BRIP1: variants seen among roughly 807,000 people sequenced by gnomAD.
BRIP1 encodes the protein Fanconi anemia group J protein.
In BRIP1, 88 loss-of-function variants were observed where a neutral mutation model predicts 119.7. The observed-to-expected ratio is 0.74, with a 90% confidence interval of 0.62 to 0.88. The LOEUF (loss-of-function observed/expected upper bound fraction) is 0.88. BRIP1 is among the 40% of genes least tolerant of loss of function. The probability of loss-of-function intolerance (pLI) is 0.00; values close to 1 mark genes in which losing one functional copy is unlikely to be tolerated. For missense variants in BRIP1, 1,259 were observed against 1,455.4 expected (o/e 0.87, Z 2.20); for synonymous variants, 443 against 496.5 (o/e 0.89, Z 1.43).
rs2077544543 is a variant in BRIP1 at position 61,776,994 on chromosome 17, A to G, written c.1936-432T>C. Among the ~76,000 whole-genome samples the G allele has an allele frequency of 6.6e-6, 1 of 152,216 alleles. No individual in the cohort carries two copies. Among genetic ancestry groups the G allele is most frequent in the African/African-American group, 2.4e-5 (1 of 41,456 alleles). ...AAAAATGACAGGAACTACTCTTTCAAAAATTCATTGGTGCTCAAAGATCCT... is the reference window on the plus strand; with the variant it reads ...AAAAATGACAGGAACTACTCTTTCAGAAATTCATTGGTGCTCAAAGATCCT... On this transcript the variant is annotated intron_variant, in intron 13 of 19. Transcript: ENST00000259008. This position sits in a 1 kb window ranked among gnomAD's most constrained non-coding sequence, Gnocchi z 5.0.
chr17:61,688,705 A>C (rs2061398346), intron 18 of BRIP1, among the ~76,000 whole-genome samples: 1 of 151,968 alleles, frequency 6.6e-6, no homozygotes, highest in African/African-American at 2.4e-5. Flanking sequence ...AGAAACAGGA[A>C]AAAATAACCC....
At position 61,841,530 on chromosome 17, in the gene BRIP1, C is replaced by T. The variant is rs1168056972; in HGVS notation, c.627+5571G>A. Among the ~76,000 whole-genome samples, 3 of 151,180 alleles carry T rather than the reference C, an allele frequency of 2.0e-5. No individual in the cohort carries two copies. The highest frequency in any genetic ancestry group is 3.9e-4 in the East Asian group (2 of 5,152). ...TCACTCAGTTAGAATGGCTTACTATCGAAAAGACAAAAAAAAATAACAAAT... is the reference window on the plus strand; with the variant it reads ...TCACTCAGTTAGAATGGCTTACTATTGAAAAGACAAAAAAAAATAACAAAT... On this transcript the variant is annotated intron_variant, in intron 6 of 19. Coordinates refer to ENST00000259008, the MANE Select transcript of BRIP1 (RefSeq NM_032043.3). The surrounding 1 kb of genome is among the most constrained non-coding windows in gnomAD (Gnocchi z 4.1).
intron 16 of BRIP1, among the ~76,000 whole-genome samples, chr17:61,721,267 C>CTTTTTT (rs11326516): frequency 4.4e-5 from 5 of 114,182 alleles, no homozygotes; most frequent in South Asian, 2.9e-4. Context: ...AAAATCTAAG[C>CTTTTTT]TTTTTTTTTT....
At position 61,710,742 on chromosome 17, in the gene BRIP1, A is replaced by G. The variant is rs1176320348; in HGVS notation, c.2492+5209T>C. 6.6e-6 allele frequency among the ~76,000 whole-genome samples: 1 copy of G among 152,228 alleles called. No homozygotes were observed. Among genetic ancestry groups the G allele is most frequent in the African/African-American group, 2.4e-5 (1 of 41,462 alleles). On this transcript the variant is annotated intron_variant, in intron 17 of 19. Coordinates refer to ENST00000259008, the MANE Select transcript of BRIP1 (RefSeq NM_032043.3). This position sits in a 1 kb window ranked among gnomAD's most constrained non-coding sequence, Gnocchi z 5.4. ...GGGAACAAGATGTAAAGGGCCATTT[A>G]GTAGCCATGTGGCCTTAGAAAAATA...
intron 14 of BRIP1, among the ~76,000 whole-genome samples, chr17:61,763,780 C>T (rs1485807774): frequency 6.6e-6 from 1 of 152,060 alleles, no homozygotes; most frequent in Non-Finnish European, 1.5e-5. Context: ...ATATAAAATA[C>T]AAGAACCCAA....
At chr17:61,835,553 A>G (rs891142826) in intron 6 of BRIP1, among the ~76,000 whole-genome samples, 2 of 152,156 alleles carry the variant, frequency 1.3e-5, no homozygotes, top group Non-Finnish European at 2.9e-5. Context: ...TTCAAAAACT[A>G]TCAGAATACA....
rs1044361878 is a variant in BRIP1 at position 61,810,482 on chromosome 17, A to C, written c.628-1725T>G. ...AATTAATTTACTTTTTCATACCATC[A>C]ATTTTTTCCCTCAATTATACTATTT... On this transcript the variant is annotated intron_variant, in intron 6 of 19. Transcript: ENST00000259008. This position sits in a 1 kb window ranked among gnomAD's most constrained non-coding sequence, Gnocchi z 4.7. 6.6e-6 allele frequency among the ~76,000 whole-genome samples: 1 copy of C among 152,168 alleles called. No homozygotes were observed. The highest frequency in any genetic ancestry group is 1.5e-5 in the Non-Finnish European group (1 of 68,016).
At chr17:61,719,453 G>T (rs9897971) in intron 16 of BRIP1, among the ~76,000 whole-genome samples, 2 of 152,046 alleles carry the variant, frequency 1.3e-5, no homozygotes, top group Non-Finnish European at 2.9e-5. Context: ...GGCCAGGCAC[G>T]GTGGCTCAGG....
chr17:61,711,088 G>C (rs2061766397), intron 17 of BRIP1, among the ~76,000 whole-genome samples: 1 of 146,474 alleles, frequency 6.8e-6, no homozygotes, highest in African/African-American at 2.5e-5. Context: ...CAAAAACAAA[G>C]CAAATCAAAT....
intron 10 of BRIP1, among the ~76,000 whole-genome samples, chr17:61,786,829 T>G (rs935088759): frequency 1.2e-4 from 15 of 128,332 alleles, no homozygotes; most frequent in African/African-American, 4.1e-4. Context: ...TAAATATATT[T>G]TATATAATAT....
intron 16 of BRIP1, among the ~76,000 whole-genome samples, chr17:61,719,300 AGT>A (rs1407297395): frequency 6.6e-6 from 1 of 151,432 alleles, no homozygotes; most frequent in African/African-American, 2.5e-5. Context: ...AATACTAAAC[AGT>A]CATAAAAATG....
rs2078082420 is a variant in BRIP1 at position 61,806,912 on chromosome 17, A to G, written c.918+1555T>C. Among the ~76,000 whole-genome samples the G allele has an allele frequency of 6.6e-6, 1 of 152,118 alleles. No homozygotes were observed. Among genetic ancestry groups the G allele is most frequent in the Non-Finnish European group, 1.5e-5 (1 of 67,994 alleles). ...TGTGTTTTGCCATGTTGGCCAGGCC[A>G]GTCTCGAACTCCTGACCTCAAGTGC... On this transcript the variant is annotated intron_variant, in intron 7 of 19. Transcript: ENST00000259008. The surrounding 1 kb of genome is among the most constrained non-coding windows in gnomAD (Gnocchi z 4.9).
intron 4 of BRIP1, among the ~76,000 whole-genome samples, chr17:61,854,095 G>C (rs2078860532): frequency 6.6e-6 from 1 of 152,014 alleles, no homozygotes; most frequent in Non-Finnish European, 1.5e-5. Context: ...GGGGAACACA[G>C]TAAAACCAAC....
rs1567808933 is a variant in BRIP1 at position 61,776,511 on chromosome 17, T to C, written c.1987A>G (p.Thr663Ala). 6.2e-7 allele frequency: 1 copy of C among 1,614,130 alleles called. No homozygotes were observed. The highest frequency in any genetic ancestry group is 8.5e-7 in the Non-Finnish European group (1 of 1,180,016). The change falls in exon 14 of 20, where the codon ACC becomes GCC. Residue 663 changes from threonine to alanine, a missense_variant. By Grantham distance (58) the Thr-to-Ala change is moderately conservative. Transcript: ENST00000259008. This position sits in a 1 kb window ranked among gnomAD's most constrained non-coding sequence, Gnocchi z 5.0. ...TCAAATGTTTCAGTATTCTGGAAGGTAGCACAGAGATTCCGACCCTTGGGG... is the reference window on the plus strand; with the variant it reads ...TCAAATGTTTCAGTATTCTGGAAGGCAGCACAGAGATTCCGACCCTTGGGG... ...SGPKGRNLCATFQNTETFEFQ... is the reference protein window; with the variant it reads ...SGPKGRNLCAAFQNTETFEFQ...
rs1167898385 is a variant in BRIP1, at chr17:61,752,772, T to C, written c.2098-8181A>G. Among the ~76,000 whole-genome samples, 1 of 152,150 alleles carries C rather than the reference T, an allele frequency of 6.6e-6. No homozygotes were observed. The highest frequency in any genetic ancestry group is 6.6e-5 in the Admixed American group (1 of 15,256). ...TGACTTTATCTTTTTGAAAATTAAC[T>C]GTAGAGAAAGAAAAGTGAACAGATT... On this transcript the variant is annotated intron_variant, in intron 14 of 19. Transcript: ENST00000259008. This position sits in a 1 kb window ranked among gnomAD's most constrained non-coding sequence, Gnocchi z 6.2.
rs2061418931 is a variant in BRIP1, at chr17:61,689,673, C to T, written c.2576-3508G>A. On this transcript the variant is annotated intron_variant, in intron 18 of 19. Coordinates refer to ENST00000259008, the MANE Select transcript of BRIP1 (RefSeq NM_032043.3). This position sits in a 1 kb window ranked among gnomAD's most constrained non-coding sequence, Gnocchi z 4.5. ...AAAGAAAACAATAGAAATTTGAAAA[C>T]AGCAAGATAAAAGCAACTTGTCATA... 6.6e-6 allele frequency among the ~76,000 whole-genome samples: 1 copy of T among 152,078 alleles called. No individual in the cohort carries two copies. Among genetic ancestry groups the T allele is most frequent in the Non-Finnish European group, 1.5e-5 (1 of 68,012 alleles).
chr17:61,862,339 C>T lies in BRIP1; in HGVS notation c.-30-770G>A, dbSNP rs2078984158. On this transcript the variant is annotated intron_variant, in intron 1 of 19. Coordinates refer to ENST00000259008, the MANE Select transcript of BRIP1 (RefSeq NM_032043.3). The surrounding 1 kb of genome is among the most constrained non-coding windows in gnomAD (Gnocchi z 5.3). ...GGATGGGCTTTGGAGTAAGGCAATCCTAAGTTTGAATTCCACTGTGTGAAT... is the reference window on the plus strand; with the variant it reads ...GGATGGGCTTTGGAGTAAGGCAATCTTAAGTTTGAATTCCACTGTGTGAAT... Among the ~76,000 whole-genome samples, 1 of 152,148 alleles carries T rather than the reference C, an allele frequency of 6.6e-6. No homozygotes were observed. Among genetic ancestry groups the T allele is most frequent in the South Asian group, 2.1e-4 (1 of 4,828 alleles).
chr17:61,776,159 A>G lies in BRIP1; in HGVS notation c.2097+242T>C. 2.1e-6 allele frequency: 1 copy of G among 472,382 alleles called. No individual in the cohort carries two copies. Among genetic ancestry groups the G allele is most frequent in the Non-Finnish European group, 3.8e-6 (1 of 261,770 alleles). The allele number at this position is 472,382 out of a possible 1,614,324, so 29.3% of individuals were successfully genotyped here. A position where few individuals can be genotyped will look rare whatever the true frequency, so the allele number is the denominator to read the frequency against. ...AGCCTCCCAACCTGCTGGGATTACA[A>G]GCATGAGCCACCACGTCCAGCCTTG... On this transcript the variant is annotated intron_variant, in intron 14 of 19. Coordinates refer to ENST00000259008, the MANE Select transcript of BRIP1 (RefSeq NM_032043.3). The surrounding 1 kb of genome is among the most constrained non-coding windows in gnomAD (Gnocchi z 5.0).
chr17:61,780,147 G>A lies in BRIP1; in HGVS notation c.1935+114C>T. 1 of 1,166,988 alleles carries A rather than the reference G, an allele frequency of 8.6e-7. No individual in the cohort carries two copies. The highest frequency in any genetic ancestry group is 1.2e-6 in the Non-Finnish European group (1 of 800,828). The allele number at this position is 1,166,988 out of a possible 1,614,324, so 72.3% of individuals were successfully genotyped here. A position where few individuals can be genotyped will look rare whatever the true frequency, so the allele number is the denominator to read the frequency against. Reference sequence around the variant, plus strand: ...TCTTTTATTGTAAAACTGGAATGTTGAATTTCCTACCAAGATTTACTTGCT... The same window carrying A: ...TCTTTTATTGTAAAACTGGAATGTTAAATTTCCTACCAAGATTTACTTGCT... On this transcript the variant is annotated intron_variant, in intron 13 of 19. Coordinates refer to ENST00000259008, the MANE Select transcript of BRIP1 (RefSeq NM_032043.3). This position sits in a 1 kb window ranked among gnomAD's most constrained non-coding sequence, Gnocchi z 5.4.
Sources: gnomAD v4.1 joint callset for allele counts (sites outside exome capture counted in the v4.1 genomes callset) on GRCh38, gnomAD v4.1.1 for gene constraint, Gnocchi (gnomAD v3.1) non-coding constraint, MANE v1.5 for transcripts, NCBI Gene and HGNC (gene_info 2026-07-23, HGNC 2026-07-21) for gene names.